The following MTMR6 variants were observed in gnomAD, a reference collection of about 807,000 sequenced individuals.
The protein encoded by MTMR6 is myotubularin related protein 6.
A neutral mutation model predicts 80.1 loss-of-function variants in MTMR6; 47 were observed. The observed-to-expected ratio is 0.59, with a 90% CI of 0.46 to 0.75. MTMR6 has a LOEUF of 0.75. MTMR6 is among the 30% of genes least tolerant of loss of function. The pLI is 0.00. For synonymous variants in MTMR6, 254 were observed against 253.0 expected (o/e 1.00, Z -0.04); for missense variants, 629 against 730.9 (o/e 0.86, Z 1.61).
intron 2 of MTMR6, among the ~76,000 whole-genome samples, chr13:25,272,621 T>C (rs573984052): frequency 1.3e-5 from 2 of 152,308 alleles, no homozygotes; most frequent in Admixed American, 6.5e-5. Flanking sequence ...TATTAGTCTA[T>C]TAATGTCTAT....
intron 1 of MTMR6, among the ~76,000 whole-genome samples, chr13:25,285,175 G>A (rs1008678448): frequency 3.9e-5 from 6 of 152,122 alleles, no homozygotes; most frequent in African/African-American, 1.4e-4. Context: ...AAAGTCACCA[G>A]TGACAACTTT....
chr13:25,274,998 ACACACACACT>A (rs1566042790), intron 1 of MTMR6, among the ~76,000 whole-genome samples: 1 of 145,628 alleles, frequency 6.9e-6, no homozygotes, highest in Non-Finnish European at 1.5e-5. Context: ...ACACACACAC[ACACACACACT>A]ATGTTGCTGC....
At chr13:25,269,443 T>C (rs1957521992) in intron 2 of MTMR6, among the ~76,000 whole-genome samples, 1 of 152,186 alleles carries the variant, frequency 6.6e-6, no homozygotes, top group South Asian at 2.1e-4. Context: ...AATAATATTT[T>C]GTTTGCTACT....
chr13:25,251,510 C>G lies in MTMR6; in HGVS notation c.1605+139G>C, dbSNP rs1463390952. ...AGTGATTCGAACTAACGTATTCAAT[C>G]AAAGTAGGGATGACCTGATTTTGAA... On this transcript the variant is annotated intron_variant, in intron 13 of 13. Coordinates refer to ENST00000381801, the MANE Select transcript of MTMR6 (RefSeq NM_004685.5). The surrounding 1 kb of genome is among the most constrained non-coding windows in gnomAD (Gnocchi z 4.1). The G allele has an allele frequency of 1.4e-6, 1 of 712,008 alleles. No individual in the cohort carries two copies. The highest frequency in any genetic ancestry group is 1.8e-5 in the African/African-American group (1 of 54,786). The allele number at this position is 712,008 out of a possible 1,614,324, so 44.1% of individuals were successfully genotyped here.
In MTMR6 at chr13:25,249,401, G is replaced by C. The variant is rs369551344; in HGVS notation, c.1697C>G (p.Thr566Ser). 5.0e-6 allele frequency: 8 copies of C among 1,614,000 alleles called. No individual in the cohort carries two copies. The highest frequency in any genetic ancestry group is 6.8e-6 in the Non-Finnish European group (8 of 1,179,980). Reference protein sequence around the residue: ...SVHPESPNLKTSLCFKEQTLL... With the variant: ...SVHPESPNLKSSLCFKEQTLL... ...AGTCTGCTCTTTAAAACACAGGGAA[G>C]TTTTGAGGTTAGGTGATTCAGGATG... Residue 566 changes from threonine to serine, a missense_variant, in exon 14 of 14, where the codon ACT becomes AGT. Thr to Ser is a moderately conservative substitution (Grantham distance 58). Transcript: ENST00000381801.
rs141965925 is a variant in MTMR6 at position 25,271,108 on chromosome 13, C to A, written c.141+2963G>T. Among the ~76,000 whole-genome samples the A allele has an allele frequency of 2.7e-3, 404 of 152,220 alleles. 7 individuals are homozygous for A. The East Asian group carries it at 0.054, about 20-fold the overall frequency. Reference sequence around the variant, plus strand: ...ACTGTTGGTCTGCCATTCCTCCCCCCCTTCCTTACTTGCAACATCCTTTTC... The same window carrying A: ...ACTGTTGGTCTGCCATTCCTCCCCCACTTCCTTACTTGCAACATCCTTTTC... On this transcript the variant is annotated intron_variant, in intron 2 of 13. Coordinates refer to ENST00000381801, the MANE Select transcript of MTMR6 (RefSeq NM_004685.5).
In MTMR6 at chr13:25,274,153, GTACTGAA is replaced by G; in HGVS notation, c.52_58del (p.Phe18ProfsTer6). ...TGTTCCTGTTAATGACTTGTTGCTG[GTACTGAA>G]TCGGTCAAGTAATTTTACTTGTTCG... On this transcript the variant is annotated frameshift_variant, in exon 2 of 14. Coordinates refer to ENST00000381801, the MANE Select transcript of MTMR6 (RefSeq NM_004685.5). LOFTEE classifies it high-confidence loss of function. 6.2e-7 allele frequency: 1 copy of G among 1,611,520 alleles called. No individual in the cohort carries two copies. Among genetic ancestry groups the G allele is most frequent in the Non-Finnish European group, 8.5e-7 (1 of 1,178,662 alleles).
intron 5 of MTMR6, among the ~76,000 whole-genome samples, chr13:25,265,378 T>C (rs1007965568): frequency 1.3e-5 from 2 of 152,188 alleles, no homozygotes; most frequent in Non-Finnish European, 2.9e-5. Flanking sequence ...GTAGTTTTGT[T>C]TTAAATTTGC....
At chr13:25,274,992 A>ACACACACACACACACT (rs1396054375) in intron 1 of MTMR6, among the ~76,000 whole-genome samples, 1 of 147,916 alleles carries the variant, frequency 6.8e-6, no homozygotes, top group African/African-American at 2.6e-5. Flanking sequence ...ACACACACAC[A>ACACACACACACACACT]CACACACACA....
Position 25,251,998 on chromosome 13 carries a change from G to A in MTMR6, c.1347-14C>T. ...TTCTCCTTCAACCTTAATATAATGA[G>A]AAAAACACAGAGATCTTTCCTATAG... On this transcript the variant is annotated splice_polypyrimidine_tract_variant and intron_variant, in intron 11 of 13. Coordinates refer to ENST00000381801, the MANE Select transcript of MTMR6 (RefSeq NM_004685.5). This position sits in a 1 kb window ranked among gnomAD's most constrained non-coding sequence, Gnocchi z 4.1. 6.2e-7 allele frequency: 1 copy of A among 1,602,882 alleles called. No homozygotes were observed.
chr13:25,276,800 A>G (rs1566043360), intron 1 of MTMR6, among the ~76,000 whole-genome samples: 1 of 152,190 alleles, frequency 6.6e-6, no homozygotes, highest in Non-Finnish European at 1.5e-5. Context: ...TTCCTGACAT[A>G]CTAGTGAGGT....
chr13:25,276,647 A>G (rs904545725), intron 1 of MTMR6, among the ~76,000 whole-genome samples: 5 of 152,108 alleles, frequency 3.3e-5, no homozygotes, highest in Admixed American at 2.6e-4. Context: ...TCCCCTGTTC[A>G]CTATTACTCT....
chr13:25,279,930 T>C (rs1047476905), intron 1 of MTMR6, among the ~76,000 whole-genome samples: 48 of 152,176 alleles, frequency 3.2e-4, no homozygotes, highest in Non-Finnish European at 4.4e-5. Flanking sequence ...TTAGGAAATA[T>C]GGCTTGTAAG....
At chr13:25,284,263 G>A (rs1957914449) in intron 1 of MTMR6, among the ~76,000 whole-genome samples, 1 of 152,122 alleles carries the variant, frequency 6.6e-6, no homozygotes, top group African/African-American at 2.4e-5. Flanking sequence ...AGTCTTTGGA[G>A]TTAAACACAC....
chr13:25,269,848 G>A (rs181599392), intron 2 of MTMR6, among the ~76,000 whole-genome samples: 35 of 151,956 alleles, frequency 2.3e-4, no homozygotes, highest in Admixed American at 3.9e-4. Flanking sequence ...TAGTCCTTAC[G>A]GCTAAGATTT....
chr13:25,248,199 C>T lies in MTMR6; in HGVS notation c.*1033G>A, dbSNP rs896725451. 1 of 152,044 alleles carries T rather than the reference C, an allele frequency of 6.6e-6. No individual in the cohort carries two copies. The highest frequency in any genetic ancestry group is 2.4e-5 in the African/African-American group (1 of 41,428). 9.4% of individuals were successfully genotyped at this position (152,044 alleles called of 1,614,324 possible). On this transcript the variant is annotated 3_prime_UTR_variant, in exon 14 of 14. Transcript: ENST00000381801. ...TGCACAACCTAAACTATCTGTACTT[C>T]CCTTTTTTATTTACCCAAAAGTTTT...
At chr13:25,253,734 A>G (rs1426615779) in intron 11 of MTMR6, 30 bp downstream of exon 11, 1 of 1,590,360 alleles carries the variant, frequency 6.3e-7, no homozygotes, top group South Asian at 1.1e-5. Context: ...GTAGGGGGAA[A>G]AGGAGACTCT....
intron 5 of MTMR6, among the ~76,000 whole-genome samples, chr13:25,263,454 A>G (rs1230911934): frequency 6.6e-6 from 1 of 152,228 alleles, no homozygotes; most frequent in African/African-American, 2.4e-5. Flanking sequence ...AAAGACTAGG[A>G]GCATTAAGTA....
chr13:25,281,254 T>G (rs989313476), intron 1 of MTMR6, among the ~76,000 whole-genome samples: 13 of 152,020 alleles, frequency 8.6e-5, no homozygotes, highest in African/African-American at 3.1e-4. Flanking sequence ...GGAGGATCGT[T>G]TGAGCCCAGG....
Sources: gnomAD v4.1 joint callset for allele counts (sites outside exome capture counted in the v4.1 genomes callset) on GRCh38, gnomAD v4.1.1 for gene constraint, Gnocchi (gnomAD v3.1) non-coding constraint, MANE v1.5 for transcripts, NCBI Gene and HGNC (gene_info 2026-07-23, HGNC 2026-07-21) for gene names.